The following GSE1 variants were observed in gnomAD, a reference collection of about 807,000 sequenced individuals.
GSE1 encodes genetic suppressor element 1.
GSE1 carries 32 observed loss-of-function variants against 112.6 expected under a neutral mutation model. The ratio of observed to expected loss-of-function variants is 0.28; its 90% CI spans 0.21 to 0.38. The LOEUF is 0.38. Ranked by LOEUF, GSE1 falls within the 10% of genes least tolerant of loss-of-function variation. The probability of loss-of-function intolerance (pLI) is 1.00; values close to 1 mark genes in which losing one functional copy is unlikely to be tolerated. For synonymous variants in GSE1, 1,115 were observed against 735.6 expected (o/e 1.52, Z -8.35); for missense variants, 2,348 against 1,699.2 (o/e 1.38, Z -6.71).
At chr16:85,271,095 C>T (rs900327909) in intron 1 of GSE1, among the ~76,000 whole-genome samples, 8 of 152,190 alleles carry the variant, frequency 5.3e-5, no homozygotes, top group Non-Finnish European at 8.8e-5. Flanking sequence ...CTCAGGGAGG[C>T]CAGAAGTACC....
intron 2 of GSE1, among the ~76,000 whole-genome samples, chr16:85,543,173 T>G (rs1475621640): frequency 2.1e-5 from 3 of 145,742 alleles, no homozygotes; most frequent in Non-Finnish European, 4.5e-5. Flanking sequence ...GATTGTGCCA[T>G]GCACTCCAGC....
chr16:85,281,886 C>T (rs973559383), intron 1 of GSE1, among the ~76,000 whole-genome samples: 4 of 152,198 alleles, frequency 2.6e-5, no homozygotes, highest in Non-Finnish European at 5.9e-5. Flanking sequence ...ACGCCCACCA[C>T]AGCATGCCAG....
At chr16:85,312,304 G>A (rs905379796) in intron 1 of GSE1, among the ~76,000 whole-genome samples, 2 of 149,604 alleles carry the variant, frequency 1.3e-5, no homozygotes, top group African/African-American at 5.0e-5. Flanking sequence ...TAAAACAGCA[G>A]AAACTCACTT....
intron 1 of GSE1, among the ~76,000 whole-genome samples, chr16:85,256,557 C>T (rs1907103685): frequency 6.6e-6 from 1 of 152,244 alleles, no homozygotes; most frequent in Non-Finnish European, 1.5e-5. Context: ...TCCCACTGGG[C>T]CTGATCCAGC....
chr16:85,664,741 T>G, intron 11 of GSE1: 1 of 364,042 alleles, frequency 2.7e-6, no homozygotes, highest in Non-Finnish European at 5.1e-6. Context: ...ACCACCGAGG[T>G]CCGTGGGCAC....
At chr16:85,427,854 T>C (rs540176701) in intron 2 of GSE1, among the ~76,000 whole-genome samples, 1 of 152,310 alleles carries the variant, frequency 6.6e-6, no homozygotes, top group African/African-American at 2.4e-5. Flanking sequence ...ATAAATAATA[T>C]GTTTTAACAA....
chr16:85,206,766 C>T (rs1471265891), intron 1 of GSE1, among the ~76,000 whole-genome samples: 1 of 150,386 alleles, frequency 6.6e-6, no homozygotes, highest in African/African-American at 2.5e-5. Context: ...GCTTCTAGGC[C>T]GCCAGGATGG....
rs553722093 is a variant in GSE1 at position 85,495,962 on chromosome 16, G to A, written c.2465-137952G>A. On this transcript the variant is annotated intron_variant, in intron 2 of 2. Coordinates refer to the GSE1 transcript ENST00000637419. ...TGGGGTGATTCATCGAGCATCCCTC[G>A]GTCTCAGACTCCTCATTTGTCAAAA... Among the ~76,000 whole-genome samples, 18 of 152,298 alleles carry A rather than the reference G, an allele frequency of 1.2e-4. No individual in the cohort carries two copies. In the South Asian group the frequency reaches 3.1e-3, roughly 26 times the overall value.
rs371774124 is a variant in GSE1 at position 85,656,440 on chromosome 16, C to T, written c.1087C>T (p.Arg363Cys). The T allele has an allele frequency of 8.3e-6, 13 of 1,561,666 alleles. 1 individual carries two copies. Among genetic ancestry groups the T allele is most frequent in the South Asian group, 5.8e-5 (5 of 86,702 alleles). Residue 363 changes from arginine (R) to cysteine (C), a missense_variant, in exon 7 of 16, where the codon CGC (arginine) becomes TGC (cysteine). Physicochemically the swap from Arg to Cys is radical, Grantham distance 180 (BLOSUM62 -3). Transcript: ENST00000253458. ...CCGCGAGCGGGAGAAGGAACGTGAG[C>T]GCGAACGCGAGAAGGAGCGCGAGCA... ...ADREREKERE[R>C]EREKEREQEK...
intron 1 of GSE1, among the ~76,000 whole-genome samples, chr16:85,225,390 G>T (rs1385255307): frequency 6.6e-6 from 1 of 152,190 alleles, no homozygotes; most frequent in African/African-American, 2.4e-5. Context: ...GGGAACGGGT[G>T]TGGGGCTTCC....
At chr16:85,180,480 G>A (rs1385920143) in intron 1 of GSE1, among the ~76,000 whole-genome samples, 3 of 152,240 alleles carry the variant, frequency 2.0e-5, no homozygotes, top group African/African-American at 7.2e-5. Context: ...GAGCTGCAAG[G>A]GGACGCCAGT....
At chr16:85,651,378 C>T (rs1044312768) in intron 3 of GSE1, among the ~76,000 whole-genome samples, 101 of 151,978 alleles carry the variant, frequency 6.6e-4, no homozygotes, top group Non-Finnish European at 7.8e-4. Flanking sequence ...TCTGGCTCGC[C>T]GGGCCCCTGC....
At chr16:85,271,915 A>G (rs575032983) in intron 1 of GSE1, among the ~76,000 whole-genome samples, 2 of 152,274 alleles carry the variant, frequency 1.3e-5, no homozygotes, top group East Asian at 3.9e-4. Context: ...GGGTCAGGGC[A>G]CCTCAGGAGT....
chr16:85,649,112 G>A (rs1567717432), intron 3 of GSE1, among the ~76,000 whole-genome samples: 1 of 152,184 alleles, frequency 6.6e-6, no homozygotes, highest in African/African-American at 2.4e-5. Context: ...TGGGTCGTCT[G>A]TGGTGTCTCC....
chr16:85,603,942 T>G (rs996269823), intron 1 of GSE1, among the ~76,000 whole-genome samples: 74 of 152,252 alleles, frequency 4.9e-4, no homozygotes, highest in Non-Finnish European at 1.3e-4. Context: ...TCATTTTCTT[T>G]TTTTCTTTTT....
At chr16:85,431,459 AAC>A (rs1266945163) in intron 2 of GSE1, among the ~76,000 whole-genome samples, 1 of 152,206 alleles carries the variant, frequency 6.6e-6, no homozygotes, top group African/African-American at 2.4e-5. Flanking sequence ...CGGGGCGAAA[AAC>A]ACACAACGCC....
intron 2 of GSE1, among the ~76,000 whole-genome samples, chr16:85,446,158 C>G (rs1176618494): frequency 6.6e-6 from 1 of 152,194 alleles, no homozygotes; most frequent in African/African-American, 2.4e-5. Flanking sequence ...AGGCAGGGAG[C>G]TGTTTGGCCT....
intron 2 of GSE1, among the ~76,000 whole-genome samples, chr16:85,521,151 C>CCA: frequency 6.6e-6 from 1 of 152,314 alleles, no homozygotes; most frequent in African/African-American, 2.4e-5. Context: ...AGGCCTTGGA[C>CCA]TCCTGACCAC....
At chr16:85,634,546 G>C (rs534911668) in intron 2 of GSE1, among the ~76,000 whole-genome samples, 23 of 152,300 alleles carry the variant, frequency 1.5e-4, no homozygotes, top group African/African-American at 5.1e-4. Flanking sequence ...CTCCAGAAGT[G>C]GCAGAGAACA....
Sources: gnomAD v4.1 joint callset for allele counts (sites outside exome capture counted in the v4.1 genomes callset) on GRCh38, gnomAD v4.1.1 for gene constraint, MANE v1.5 for transcripts, NCBI Gene and HGNC (gene_info 2026-07-23, HGNC 2026-07-21) for gene names.